CDH13: variants seen among roughly 807,000 people sequenced by gnomAD.
CDH13 encodes the protein cadherin-13.
Under a neutral mutation model 63.8 loss-of-function variants are expected in CDH13, and 24 were observed. That is an observed-to-expected ratio of 0.38 (90% confidence interval 0.27 to 0.53). The LOEUF (loss-of-function observed/expected upper bound fraction) is 0.53. CDH13 is among the 20% of genes least tolerant of loss of function. The pLI is 0.85. For synonymous variants in CDH13, 503 were observed against 355.3 expected (o/e 1.42, Z -4.67); for missense variants, 1,049 against 903.1 (o/e 1.16, Z -2.07).
chr16:82,837,079 A>G (rs530586919), intron 1 of CDH13, among the ~76,000 whole-genome samples: 1 of 152,334 alleles, frequency 6.6e-6, no homozygotes, highest in African/African-American at 2.4e-5. Context: ...TCGAGGTGGA[A>G]GTCAAACAAA....
At chr16:83,222,303 C>G (rs1262305284) in intron 5 of CDH13, among the ~76,000 whole-genome samples, 6 of 152,178 alleles carry the variant, frequency 3.9e-5, no homozygotes, top group Non-Finnish European at 8.8e-5. Context: ...AACTGGCATT[C>G]AGAGGTATCC....
intron 2 of CDH13, among the ~76,000 whole-genome samples, chr16:82,915,751 G>C (rs544599821): frequency 3.3e-4 from 50 of 151,550 alleles, no homozygotes; most frequent in Admixed American, 1.1e-3. Context: ...TTGTAAAGCT[G>C]ATTCTTCCCT....
At chr16:83,721,894 G>A (rs147992932) in intron 10 of CDH13, 13 of 152,340 alleles carry the variant, frequency 8.5e-5, no homozygotes, top group African/African-American at 3.1e-4. Flanking sequence ...CACATCTAGG[G>A]ACCGTGGGGA....
intron 2 of CDH13, among the ~76,000 whole-genome samples, chr16:82,988,758 A>G (rs1911278297): frequency 7.4e-6 from 1 of 136,054 alleles, no homozygotes; most frequent in Non-Finnish European, 1.6e-5. Flanking sequence ...TGAAACTCCA[A>G]CTCAAAAAAA....
chr16:83,411,131 A>T (rs1326737713), intron 6 of CDH13, among the ~76,000 whole-genome samples: 1 of 152,182 alleles, frequency 6.6e-6, no homozygotes, highest in Non-Finnish European at 1.5e-5. Context: ...TCTATGGCTT[A>T]AAGGTGCCAA....
intron 6 of CDH13, among the ~76,000 whole-genome samples, chr16:83,354,654 C>G (rs1427782680): frequency 1.3e-5 from 2 of 152,138 alleles, no homozygotes; most frequent in Non-Finnish European, 2.9e-5. Context: ...AAGGAGCCTA[C>G]CAAGTAAAGG....
At position 83,677,934 on chromosome 16, in the gene CDH13, C is replaced by T. The variant is rs114038170; in HGVS notation, c.1285-274C>T. On this transcript the variant is annotated intron_variant, in intron 9 of 13. Coordinates refer to ENST00000567109, the MANE Select transcript of CDH13 (RefSeq NM_001257.5). ...ACTAAGGTTCAAGTCACTCAGTGTC[C>T]GGATCACTAAGGCTCAAGTCATGTG... 6.8e-3 allele frequency among the ~76,000 whole-genome samples: 1,029 copies of T among 152,054 alleles called. 14 individuals carry two copies. Among genetic ancestry groups the T allele is most frequent in the African/African-American group, 0.024 (981 of 41,446 alleles).
chr16:82,787,947 T>A (rs992314157), intron 1 of CDH13, among the ~76,000 whole-genome samples: 1 of 146,924 alleles, frequency 6.8e-6, no homozygotes, highest in Admixed American at 7.0e-5. Context: ...GTACCTACGA[T>A]ACAGTAAGTA....
chr16:83,748,788 TG>T, intron 11 of CDH13, among the ~76,000 whole-genome samples: 1 of 152,326 alleles, frequency 6.6e-6, no homozygotes, highest in African/African-American at 2.4e-5. Context: ...GATTAGATGC[TG>T]GGGGCGCAGC....
intron 5 of CDH13, among the ~76,000 whole-genome samples, chr16:83,307,559 C>G (rs868343344): frequency 1.3e-5 from 2 of 152,194 alleles, no homozygotes; most frequent in South Asian, 4.2e-4. Flanking sequence ...GCCAGGAAAG[C>G]TCTATTTAAC....
chr16:83,040,357 A>G (rs1166855823), intron 3 of CDH13, among the ~76,000 whole-genome samples: 1 of 152,210 alleles, frequency 6.6e-6, no homozygotes, highest in African/African-American at 2.4e-5. Context: ...ATCGTAGGCC[A>G]TCTGCAGGCT....
chr16:83,673,068 T>C (rs1431708805), intron 9 of CDH13, among the ~76,000 whole-genome samples: 1 of 152,224 alleles, frequency 6.6e-6, no homozygotes, highest in Non-Finnish European at 1.5e-5. Flanking sequence ...TATACAGTAC[T>C]ATAATTGCTT....
chr16:82,745,883 A>G (rs2034140659), intron 1 of CDH13, among the ~76,000 whole-genome samples: 1 of 152,094 alleles, frequency 6.6e-6, no homozygotes, highest in East Asian at 1.9e-4. Context: ...CCAGAAAATA[A>G]TTTTTTAGAA....
At chr16:83,469,706 C>T (rs1305862344) in intron 6 of CDH13, among the ~76,000 whole-genome samples, 2 of 152,182 alleles carry the variant, frequency 1.3e-5, no homozygotes, top group South Asian at 4.1e-4. Context: ...AGCACTAGCA[C>T]AGGGCCTGCC....
intron 2 of CDH13, among the ~76,000 whole-genome samples, chr16:82,998,206 A>G (rs1343622289): frequency 6.6e-6 from 1 of 152,204 alleles, no homozygotes; most frequent in Non-Finnish European, 1.5e-5. Flanking sequence ...CTTTGCTTGT[A>G]TCATTTTCCC....
At chr16:83,374,046 G>A (rs184800300) in intron 6 of CDH13, among the ~76,000 whole-genome samples, 2 of 152,318 alleles carry the variant, frequency 1.3e-5, no homozygotes, top group East Asian at 3.9e-4. Context: ...GGGAGGCAGT[G>A]GAGGGTACTA....
intron 10 of CDH13, among the ~76,000 whole-genome samples, chr16:83,723,459 C>T (rs1271524441): frequency 6.6e-6 from 1 of 152,238 alleles, no homozygotes; most frequent in Admixed American, 6.5e-5. Flanking sequence ...GTGACATCAG[C>T]TCACTGTGGC....
rs146512711 is a variant in CDH13, at chr16:82,973,066, A to G, written c.158-58944A>G. 5.4e-3 allele frequency among the ~76,000 whole-genome samples: 823 copies of G among 152,348 alleles called. 2 individuals carry two copies. The highest frequency in any genetic ancestry group is 8.9e-3 in the Non-Finnish European group (606 of 68,030). ...GCCACTTTTTGAAATAGTTGGAGAT[A>G]CTTTCTATCCTCTGTCTCAGCATTT... On this transcript the variant is annotated intron_variant, in intron 2 of 13. Transcript: ENST00000567109.
chr16:82,682,559 G>C (rs1333315749), intron 1 of CDH13, among the ~76,000 whole-genome samples: 1 of 152,106 alleles, frequency 6.6e-6, no homozygotes, highest in Non-Finnish European at 1.5e-5. Flanking sequence ...GTTAATTTCG[G>C]TATTTAATAA....
Sources: gnomAD v4.1 joint callset for allele counts (sites outside exome capture counted in the v4.1 genomes callset) on GRCh38, gnomAD v4.1.1 for gene constraint, MANE v1.5 for transcripts, NCBI Gene and HGNC (gene_info 2026-07-23, HGNC 2026-07-21) for gene names.